ERCC6L2: variants seen among roughly 807,000 people sequenced by gnomAD.
ERCC6L2 encodes the protein ERCC excision repair 6 like 2.
A neutral mutation model predicts 132.0 loss-of-function variants in ERCC6L2; 77 were observed. That is an observed-to-expected ratio of 0.58 (90% CI 0.49 to 0.71). The LOEUF (loss-of-function observed/expected upper bound fraction) is 0.71. ERCC6L2 is among the 30% of genes least tolerant of loss of function. ERCC6L2 has a pLI of 0.00. For missense variants in ERCC6L2, 1,542 were observed against 1,837.6 expected (o/e 0.84, Z 2.94); for synonymous variants, 583 against 632.4 (o/e 0.92, Z 1.17).
At chr9:96,002,508 G>C (rs1229824514) in intron 17 of ERCC6L2, among the ~76,000 whole-genome samples, 1 of 149,644 alleles carries the variant, frequency 6.7e-6, no homozygotes, top group Non-Finnish European at 1.5e-5. Context: ...TGCAACTTCT[G>C]CCTCCCGGGC....
At chr9:96,030,326 C>T (rs531268214) in intron 19 of ERCC6L2, among the ~76,000 whole-genome samples, 7 of 152,098 alleles carry the variant, frequency 4.6e-5, no homozygotes, top group East Asian at 1.9e-4. Flanking sequence ...GCAACACGCT[C>T]GGGTTCCCTT....
intron 12 of ERCC6L2, among the ~76,000 whole-genome samples, chr9:95,946,631 G>A (rs1164004672): frequency 6.6e-5 from 10 of 152,160 alleles, no homozygotes; most frequent in Non-Finnish European, 1.5e-4. Flanking sequence ...TGTGTATACA[G>A]ATACATCTCA....
intron 2 of ERCC6L2, among the ~76,000 whole-genome samples, chr9:95,881,641 C>T (rs1386772871): frequency 6.6e-6 from 1 of 152,090 alleles, no homozygotes; most frequent in East Asian, 1.9e-4. Flanking sequence ...TTTGTTATGC[C>T]ACATAGCATG....
chr9:95,881,122 A>G lies in ERCC6L2; in HGVS notation c.300A>G (p.Pro100=), dbSNP rs1347818553. ...CTTATTTCCCAAACCGAAAATTTCC[A>G]TCATCTTCTGTTGCTTTTAAATTAT... ...EKPYFPNRKF[P]SSSVAFKLSD... is the part of the protein sequence containing the mutation. Residue 100 remains proline (P), a synonymous_variant, in exon 2 of 19, where the codon CCA becomes CCG. Transcript: ENST00000653738. 29 of 1,613,610 alleles carry G rather than the reference A, an allele frequency of 1.8e-5. No homozygotes were observed. The highest frequency in any genetic ancestry group is 2.4e-5 in the Non-Finnish European group (28 of 1,179,912).
At chr9:96,021,824 G>C (rs1834296378), downstream of ERCC6L2, 1 of 152,442 alleles carries the variant, frequency 6.6e-6, no homozygotes, top group Non-Finnish European at 1.5e-5. This position sits in a 1 kb window ranked among gnomAD's most constrained non-coding sequence, Gnocchi z 4.7. Context: ...GGCTCGGACG[G>C]AGGACAGGGG....
chr9:96,009,844 G>C (rs555615761), intron 18 of ERCC6L2, among the ~76,000 whole-genome samples: 5 of 152,346 alleles, frequency 3.3e-5, no homozygotes, highest in African/African-American at 1.2e-4. Context: ...GTTAGAAGCA[G>C]CTCTCCTCCC....
At chr9:95,992,353 G>A (rs75805090) in intron 17 of ERCC6L2, among the ~76,000 whole-genome samples, 20,017 of 152,122 alleles carry the variant, frequency 0.13, 1,387 homozygotes, top group South Asian at 0.24. Context: ...GGGGTTCTAA[G>A]ACCAAAAAGC....
intron 17 of ERCC6L2, among the ~76,000 whole-genome samples, chr9:95,984,317 T>G (rs921614971): frequency 1.3e-5 from 2 of 149,722 alleles, no homozygotes; most frequent in African/African-American, 4.9e-5. Context: ...TAAATATATA[T>G]TATATGTGTA....
intron 1 of ERCC6L2, chr9:95,876,331 GCTC>G (rs1827267142): frequency 4.5e-6 from 2 of 445,900 alleles, no homozygotes; most frequent in Admixed American, 3.8e-5. Context: ...CTTTGGGCAG[GCTC>G]CTCATCTGTA....
intron 17 of ERCC6L2, among the ~76,000 whole-genome samples, chr9:95,987,669 C>T (rs945966006): frequency 6.6e-6 from 1 of 152,240 alleles, no homozygotes; most frequent in Non-Finnish European, 1.5e-5. Context: ...TTTCCAGGTG[C>T]ACAATGCATG....
At chr9:95,954,455 G>T (rs1041016110) in intron 12 of ERCC6L2, among the ~76,000 whole-genome samples, 1 of 152,100 alleles carries the variant, frequency 6.6e-6, no homozygotes, top group Non-Finnish European at 1.5e-5. Context: ...CTGACAGCCG[G>T]AACTGAGAAC....
downstream of ERCC6L2, among the ~76,000 whole-genome samples, chr9:96,023,189 G>C (rs570841397): frequency 6.6e-6 from 1 of 152,092 alleles, no homozygotes; most frequent in Non-Finnish European, 1.5e-5. Context: ...CCATGGCCTA[G>C]ATAAGACAGG....
At chr9:95,956,666 G>C (rs1363615141) in intron 13 of ERCC6L2, among the ~76,000 whole-genome samples, 1 of 152,154 alleles carries the variant, frequency 6.6e-6, no homozygotes, top group Non-Finnish European at 1.5e-5. Context: ...AAGGAGAAGT[G>C]CTAAGCAAAG....
chr9:95,907,827 A>G (rs992048905), intron 4 of ERCC6L2, among the ~76,000 whole-genome samples: 2 of 111,178 alleles, frequency 1.8e-5, no homozygotes, highest in Non-Finnish European at 3.4e-5. Flanking sequence ...GGCAAAAACT[A>G]CACACACACA....
In ERCC6L2 at chr9:96,012,479, A is replaced by G. The variant is rs778880218; in HGVS notation, c.3929A>G (p.Asp1310Gly). The G allele has an allele frequency of 7.3e-7, 1 of 1,367,436 alleles. No homozygotes were observed. The highest frequency in any genetic ancestry group is 1.9e-5 in the Admixed American group (1 of 52,566). The allele number at this position is 1,367,436 out of a possible 1,614,324, so 84.7% of individuals were successfully genotyped here. A position where few individuals can be genotyped will look rare whatever the true frequency, so the allele number is the denominator to read the frequency against. The change falls in exon 19 of 19, where the codon GAT becomes GGT. Residue 1310 changes from aspartate to glycine, a missense_variant. Around this residue, in one of 4 missense-constraint regions of ERCC6L2, gnomAD observed 442 missense variants for 583.4 expected, o/e 0.76. Coordinates refer to ENST00000653738, the MANE Select transcript of ERCC6L2 (RefSeq NM_020207.7). ...RESLIKPRLS[D>G]SETLSFKDST... Reference sequence around the variant, plus strand: ...TCTCTTATAAAACCAAGGCTGTCAGATTCTGAAACCTTGTCATTTAAAGAT... The same window carrying G: ...TCTCTTATAAAACCAAGGCTGTCAGGTTCTGAAACCTTGTCATTTAAAGAT...
At chr9:95,924,716 T>C (rs1830029328) in intron 9 of ERCC6L2, among the ~76,000 whole-genome samples, 1 of 152,134 alleles carries the variant, frequency 6.6e-6, no homozygotes, top group East Asian at 1.9e-4. Flanking sequence ...TAAAATATAC[T>C]TTTAAAGTTA....
chr9:95,950,650 A>G (rs777167690), intron 12 of ERCC6L2, among the ~76,000 whole-genome samples: 1 of 152,202 alleles, frequency 6.6e-6, no homozygotes, highest in Non-Finnish European at 1.5e-5. Context: ...ATGGAAAAAG[A>G]TATTTCATGC....
intron 18 of ERCC6L2, among the ~76,000 whole-genome samples, chr9:96,005,505 A>G (rs1453433051): frequency 1.3e-5 from 2 of 152,090 alleles, no homozygotes; most frequent in Non-Finnish European, 2.9e-5. Context: ...GACTGTCTAC[A>G]TGGGTAGCAT....
chr9:95,978,158 A>T lies in ERCC6L2; in HGVS notation c.3435A>T (p.Val1145=), dbSNP rs753963544. The change falls in exon 17 of 19, where the codon GTA becomes GTT. Residue 1145 remains valine (V), a synonymous_variant. Coordinates refer to ENST00000653738, the MANE Select transcript of ERCC6L2 (RefSeq NM_020207.7). ...TGAGCCGATGGGCAGCACATGACGT[A>T]TTTGAGTTGAAGCAGTTTTCTCAGC... The part of the protein sequence containing the change: ...NHMSRWAAHD[V]FELKQFSQLP... 1 of 1,367,298 alleles carries T rather than the reference A, an allele frequency of 7.3e-7. No homozygotes were observed. Among genetic ancestry groups the T allele is most frequent in the Non-Finnish European group, 9.8e-7 (1 of 1,021,728 alleles). 84.7% of individuals were successfully genotyped at this position (1,367,298 alleles called of 1,614,324 possible).
Sources: gnomAD v4.1 joint callset for allele counts (sites outside exome capture counted in the v4.1 genomes callset) on GRCh38, gnomAD v4.1.1 for gene constraint, gnomAD v4.1.1 regional missense constraint, Gnocchi (gnomAD v3.1) non-coding constraint, MANE v1.5 for transcripts, NCBI Gene and HGNC (gene_info 2026-07-23, HGNC 2026-07-21) for gene names.